ZMYM4: variants seen among roughly 807,000 people sequenced by gnomAD.
ZMYM4 encodes the protein zinc finger MYM-type protein 4.
A neutral mutation model predicts 183.2 loss-of-function variants in ZMYM4; 31 were observed. That is an observed-to-expected ratio of 0.17 (90% CI 0.13 to 0.23). The LOEUF (loss-of-function observed/expected upper bound fraction) is 0.23, where lower values mean the gene tolerates loss of function less well. ZMYM4 is among the 10% of genes least tolerant of loss of function. The pLI is 1.00. For missense variants in ZMYM4, 1,273 were observed against 1,840.3 expected (o/e 0.69, Z 5.64); for synonymous variants, 592 against 631.2 (o/e 0.94, Z 0.93).
intron 17 of ZMYM4, among the ~76,000 whole-genome samples, chr1:35,393,067 T>C (rs139598338): frequency 6.6e-6 from 1 of 152,344 alleles, no homozygotes; most frequent in African/African-American, 2.4e-5. Flanking sequence ...AAATTCTTTT[T>C]TTAACCCATT....
chr1:35,386,500 G>T (rs1252357030), intron 11 of ZMYM4, among the ~76,000 whole-genome samples: 1 of 152,060 alleles, frequency 6.6e-6, no homozygotes, highest in Non-Finnish European at 1.5e-5. Context: ...AGAACAGCAG[G>T]GGAGAAATCC....
chr1:35,283,567 G>T (rs1436110059), intron 1 of ZMYM4, among the ~76,000 whole-genome samples: 2 of 151,640 alleles, frequency 1.3e-5, no homozygotes, highest in East Asian at 3.9e-4. Context: ...TTGATCTCCT[G>T]ACCTCGTGAG....
chr1:35,389,196 T>A lies in ZMYM4; in HGVS notation c.2436+114T>A. The A allele has an allele frequency of 7.8e-6, 8 of 1,019,116 alleles. No individual in the cohort carries two copies. The highest frequency in any genetic ancestry group is 1.1e-5 in the Non-Finnish European group (8 of 721,122). The allele number at this position is 1,019,116 out of a possible 1,614,324, so 63.1% of individuals were successfully genotyped here. On this transcript the variant is annotated intron_variant, in intron 14 of 29. Coordinates refer to ENST00000314607, the MANE Select transcript of ZMYM4 (RefSeq NM_005095.3). This position sits in a 1 kb window ranked among gnomAD's most constrained non-coding sequence, Gnocchi z 4.0. ...TTATTTAAAACTTTTAAGTATTAAA[T>A]GTTTTATGCCTTCTAGCAATTAATA...
chr1:35,386,917 A>T, intron 11 of ZMYM4, 86 bp from the exon 12 acceptor site: 2 of 1,421,910 alleles, frequency 1.4e-6, no homozygotes, highest in Non-Finnish European at 1.9e-6. Flanking sequence ...ACATGCCTAG[A>T]ACGGTGCTTG....
chr1:35,412,842 C>T (rs1478289456), intron 26 of ZMYM4, among the ~76,000 whole-genome samples: 1 of 151,778 alleles, frequency 6.6e-6, no homozygotes, highest in Non-Finnish European at 1.5e-5. Flanking sequence ...TTTTTGTTAG[C>T]CAGAATAAAT....
intron 19 of ZMYM4, 152 bp downstream of exon 19, chr1:35,396,822 T>A: frequency 1.0e-6 from 1 of 975,066 alleles, no homozygotes; most frequent in South Asian, 2.3e-5. Context: ...TAACATGGAT[T>A]ATATAAATGA....
chr1:35,359,628 A>G (rs558938774), intron 3 of ZMYM4, among the ~76,000 whole-genome samples, 182 bp downstream of exon 3: 2 of 152,090 alleles, frequency 1.3e-5, no homozygotes, highest in East Asian at 1.9e-4. Context: ...ACTTTTGGTA[A>G]TGGTATAAAT....
At chr1:35,328,708 G>A (rs909393585) in intron 2 of ZMYM4, among the ~76,000 whole-genome samples, 1 of 152,108 alleles carries the variant, frequency 6.6e-6, no homozygotes, top group Non-Finnish European at 1.5e-5. Context: ...CCTGGAGGCA[G>A]AGAAGTGACT....
chr1:35,414,195 A>G (rs956225088), intron 27 of ZMYM4, 112 bp downstream of exon 27: 18 of 688,804 alleles, frequency 2.6e-5, no homozygotes, highest in Non-Finnish European at 3.9e-5. Context: ...GATTTATACC[A>G]TATTTGGACT....
intron 1 of ZMYM4, among the ~76,000 whole-genome samples, chr1:35,299,031 GTT>G (rs75810224): frequency 1.3e-4 from 18 of 135,284 alleles, no homozygotes; most frequent in South Asian, 2.4e-4. Flanking sequence ...AGTTTTGAAA[GTT>G]TTTTTTTTTT....
chr1:35,375,406 A>G (rs1644313465), intron 7 of ZMYM4, among the ~76,000 whole-genome samples: 2 of 152,230 alleles, frequency 1.3e-5, no homozygotes, highest in Non-Finnish European at 2.9e-5. Context: ...AAATTCAAAG[A>G]AGGTAAAAGA....
intron 7 of ZMYM4, among the ~76,000 whole-genome samples, chr1:35,380,346 G>GAGAC (rs1026111167): frequency 6.7e-6 from 1 of 148,782 alleles, no homozygotes; most frequent in African/African-American, 2.5e-5. Flanking sequence ...TTATTTTTTT[G>GAGAC]AGACAGAGTC....
At chr1:35,295,669 A>G (rs1008293942) in intron 1 of ZMYM4, among the ~76,000 whole-genome samples, 2 of 152,186 alleles carry the variant, frequency 1.3e-5, no homozygotes, top group Non-Finnish European at 2.9e-5. Flanking sequence ...GCTCTGCTAA[A>G]TGGGTACATA....
intron 1 of ZMYM4, among the ~76,000 whole-genome samples, chr1:35,314,589 T>C (rs1236454228): frequency 6.6e-6 from 1 of 151,406 alleles, no homozygotes; most frequent in African/African-American, 2.4e-5. Context: ...CTGGCCCCAG[T>C]TTACTTTTAA....
intron 2 of ZMYM4, among the ~76,000 whole-genome samples, chr1:35,326,998 T>C (rs1162502680): frequency 1.3e-5 from 2 of 152,142 alleles, no homozygotes; most frequent in South Asian, 2.1e-4. Flanking sequence ...TCACTGGGAC[T>C]ACAGGCACAC....
At chr1:35,413,398 A>G (rs950213794) in intron 26 of ZMYM4, among the ~76,000 whole-genome samples, 1 of 152,192 alleles carries the variant, frequency 6.6e-6, no homozygotes, top group African/African-American at 2.4e-5. Flanking sequence ...AATGGTTATA[A>G]TTAACATAGT....
In ZMYM4 at chr1:35,271,136, A is replaced by G. The variant is rs1346389470; in HGVS notation, c.39+2051A>G. Among the ~76,000 whole-genome samples the G allele has an allele frequency of 3.3e-5, 5 of 152,220 alleles. No individual in the cohort carries two copies. The East Asian group carries it at 5.8e-4, about 18-fold the overall frequency. Reference sequence around the variant, plus strand: ...ATATAGTCCACCAATGAAAATATACAGGGTAAATTACTTAAGATATGTAAT... The same window carrying G: ...ATATAGTCCACCAATGAAAATATACGGGGTAAATTACTTAAGATATGTAAT... On this transcript the variant is annotated intron_variant, in intron 1 of 29. Coordinates refer to ENST00000314607, the MANE Select transcript of ZMYM4 (RefSeq NM_005095.3).
At chr1:35,418,752 T>C (rs1429947654) in intron 29 of ZMYM4, among the ~76,000 whole-genome samples, 180 bp downstream of exon 29, 1 of 152,248 alleles carries the variant, frequency 6.6e-6, no homozygotes, top group East Asian at 1.9e-4. Flanking sequence ...TTACCTTGTC[T>C]TCATAATTAT....
chr1:35,297,437 G>T (rs1015057632), intron 1 of ZMYM4, among the ~76,000 whole-genome samples: 5 of 150,982 alleles, frequency 3.3e-5, no homozygotes, highest in Non-Finnish European at 7.4e-5. Context: ...GTTGCAGTGA[G>T]CCGAGGTCAC....
Sources: gnomAD v4.1 joint callset for allele counts (sites outside exome capture counted in the v4.1 genomes callset) on GRCh38, gnomAD v4.1.1 for gene constraint, Gnocchi (gnomAD v3.1) non-coding constraint, MANE v1.5 for transcripts, NCBI Gene and HGNC (gene_info 2026-07-23, HGNC 2026-07-21) for gene names.